RASEF: variants seen among roughly 807,000 people sequenced by gnomAD.
RASEF encodes ras and EF-hand domain-containing protein.
A neutral mutation model predicts 90.1 loss-of-function variants in RASEF; 68 were observed. The observed-to-expected ratio is 0.75, with a 90% CI of 0.62 to 0.92. The LOEUF (loss-of-function observed/expected upper bound fraction) is 0.92, where lower values mean the gene tolerates loss of function less well. Among genes scored for constraint, RASEF ranks in the 40% least tolerant of loss-of-function variants. The pLI, the probability that RASEF is intolerant of heterozygous loss-of-function variation, is 0.00. For synonymous variants in RASEF, 331 were observed against 345.2 expected, an observed-to-expected ratio of 0.96 and a Z score of 0.46; for missense variants, 949 against 937.2, an observed-to-expected ratio of 1.01 and a Z score of -0.16.
At position 83,000,224 on chromosome 9, in the gene RASEF, A is replaced by G; in HGVS notation, c.1668T>C (p.Ser556=). ...CATTCTTGCAAAGTCTCATGAGGAA[A>G]CTAGACTTCCCCACTGCAGCGTCCC... is the stretch of plus-strand genomic sequence containing the variant. ...LAGDAAVGKS[S]FLMRLCKNEF... Residue 556 remains serine, a synonymous_variant, in exon 12 of 17, where the codon AGT becomes AGC. Coordinates refer to ENST00000376447, the MANE Select transcript of RASEF (RefSeq NM_152573.4). 1.9e-6 allele frequency: 3 copies of G among 1,614,118 alleles called. No individual in the cohort carries two copies. Among genetic ancestry groups the G allele is most frequent in the Non-Finnish European group, 1.7e-6 (2 of 1,180,000 alleles).
At chr9:83,125,409 A>G in the RASEF span, among the ~76,000 whole-genome samples, 3 of 152,178 alleles carry the variant, frequency 2.0e-5, no homozygotes, top group African/African-American at 7.2e-5. Flanking sequence ...ACCTTAATAT[A>G]ATAAATTTGT....
chr9:83,106,059 T>C, the RASEF span, among the ~76,000 whole-genome samples: 2 of 152,194 alleles, frequency 1.3e-5, no homozygotes, highest in Non-Finnish European at 2.9e-5. Context: ...TGGCCAGTTA[T>C]TGTTTCCTCC....
At chr9:83,036,879 C>A (rs1269398426) in intron 1 of RASEF, among the ~76,000 whole-genome samples, 1 of 151,876 alleles carries the variant, frequency 6.6e-6, no homozygotes, top group Non-Finnish European at 1.5e-5. Context: ...ATACCATCTT[C>A]GTTTTTTTGT....
the RASEF span, among the ~76,000 whole-genome samples, chr9:83,174,005 A>G: frequency 2.0e-5 from 3 of 151,620 alleles, no homozygotes; most frequent in East Asian, 3.9e-4. Flanking sequence ...CCTCTCTCCC[A>G]TCTTGAAATT....
the RASEF span, among the ~76,000 whole-genome samples, chr9:83,079,029 T>C: frequency 6.6e-6 from 1 of 152,246 alleles, no homozygotes; most frequent in Non-Finnish European, 1.5e-5. Flanking sequence ...GTTGTTAGTT[T>C]CTTTTGCTGT....
At chr9:83,198,121 C>A in the RASEF span, among the ~76,000 whole-genome samples, 1 of 151,984 alleles carries the variant, frequency 6.6e-6, no homozygotes, top group East Asian at 1.9e-4. Flanking sequence ...GTTAAGAGAC[C>A]GCAGCTCATT....
At chr9:83,172,504 T>TG in the RASEF span, among the ~76,000 whole-genome samples, 41 of 151,926 alleles carry the variant, frequency 2.7e-4, no homozygotes, top group African/African-American at 9.9e-4. Flanking sequence ...TCACTGGTGG[T>TG]ATGTTTTCTT....
chr9:83,012,290 CT>C, intron 5 of RASEF, 143 bp downstream of exon 5: 1 of 490,064 alleles, frequency 2.0e-6, no homozygotes, highest in Non-Finnish European at 3.6e-6. Context: ...TAAATAGTAT[CT>C]TTGATCAAAG....
intron 1 of RASEF, among the ~76,000 whole-genome samples, chr9:83,053,748 A>T (rs1196371384): frequency 6.8e-6 from 1 of 146,586 alleles, no homozygotes; most frequent in Non-Finnish European, 1.5e-5. Context: ...TGGTGGTGAC[A>T]AAATCTCTCA....
chr9:83,165,138 C>T, the RASEF span, among the ~76,000 whole-genome samples: 1 of 152,024 alleles, frequency 6.6e-6, no homozygotes, highest in African/African-American at 2.4e-5. Flanking sequence ...TCAACAACAC[C>T]ACCATCAATT....
At chr9:83,087,033 A>G in the RASEF span, among the ~76,000 whole-genome samples, 1 of 152,194 alleles carries the variant, frequency 6.6e-6, no homozygotes, top group African/African-American at 2.4e-5. Context: ...ACTGTGATAG[A>G]ATATACAGAG....
At chr9:83,210,824 G>A in the RASEF span, among the ~76,000 whole-genome samples, 24 of 152,236 alleles carry the variant, frequency 1.6e-4, no homozygotes, top group Admixed American at 5.9e-4. Flanking sequence ...GGGTTTCCCC[G>A]ACACATGGCC....
the RASEF span, among the ~76,000 whole-genome samples, chr9:83,104,666 C>T: frequency 1.1e-4 from 16 of 152,280 alleles, no homozygotes; most frequent in Admixed American, 3.3e-4. Flanking sequence ...CCTGAAAAAT[C>T]TTTGCCTCAT....
the RASEF span, among the ~76,000 whole-genome samples, chr9:83,122,182 T>A: frequency 2.0e-5 from 3 of 152,178 alleles, no homozygotes; most frequent in Non-Finnish European, 4.4e-5. Flanking sequence ...CCAGCTCACG[T>A]CCACTACTGA....
the RASEF span, among the ~76,000 whole-genome samples, chr9:83,167,119 G>T: frequency 6.6e-6 from 1 of 151,930 alleles, no homozygotes; most frequent in Non-Finnish European, 1.5e-5. Context: ...GCTTTTGTAA[G>T]GATTTAATTA....
At chr9:82,989,824 T>C (rs558763088) in intron 16 of RASEF, among the ~76,000 whole-genome samples, 101 of 152,364 alleles carry the variant, frequency 6.6e-4, no homozygotes, top group Middle Eastern at 6.8e-3. Context: ...AAAAATCTAA[T>C]GTAGAATGTT....
At chr9:82,987,638 C>T (rs985025848) in intron 16 of RASEF, among the ~76,000 whole-genome samples, 3 of 152,082 alleles carry the variant, frequency 2.0e-5, no homozygotes, top group African/African-American at 4.8e-5. Flanking sequence ...GACTCTTCAC[C>T]GGGGCACTTT....
intron 13 of RASEF, among the ~76,000 whole-genome samples, chr9:82,997,956 A>G (rs6559693): frequency 0.67 from 101,228 of 152,088 alleles, 35,762 homozygotes; most frequent in African/African-American, 0.92. Flanking sequence ...GCCATCACCA[A>G]ATGCAAGTCT....
chr9:83,070,404 C>T, the RASEF span, among the ~76,000 whole-genome samples: 5 of 152,008 alleles, frequency 3.3e-5, no homozygotes, highest in Non-Finnish European at 5.9e-5. Context: ...GTTGAATCAC[C>T]TTTGTTAGAA....
Sources: gnomAD v4.1 joint callset for allele counts (sites outside exome capture counted in the v4.1 genomes callset) on GRCh38, gnomAD v4.1.1 for gene constraint, MANE v1.5 for transcripts, NCBI Gene and HGNC (gene_info 2026-07-23, HGNC 2026-07-21) for gene names.